Variants in MIB1 observed in about 807,000 individuals in gnomAD.
The protein encoded by MIB1 is MIB E3 ubiquitin protein ligase 1.
In MIB1, 278 loss-of-function variants were observed where a neutral mutation model predicts 124.5. The ratio of observed to expected loss-of-function variants is 2.23; its 90% CI spans 2.02 to 2.47. MIB1 has a LOEUF of 2.47. Ranked by LOEUF, MIB1 falls within the 30% of genes most tolerant of loss-of-function variation. The pLI is 0.00. For missense variants in MIB1, 957 were observed against 1,254.4 expected (o/e 0.76, Z 3.58); for synonymous variants, 446 against 429.4 (o/e 1.04, Z -0.48).
chr18:21,736,191 A>G (rs1049190660), upstream of MIB1, among the ~76,000 whole-genome samples: 3 of 152,210 alleles, frequency 2.0e-5, no homozygotes, highest in Non-Finnish European at 2.9e-5. Flanking sequence ...ACAGACAGCA[A>G]TCTTTGCTGT....
chr18:21,751,408 G>C lies in MIB1; in HGVS notation c.229+9596G>C, dbSNP rs149545519. Among the ~76,000 whole-genome samples the C allele has an allele frequency of 2.7e-3, 415 of 152,070 alleles. 6 individuals carry two copies. In the East Asian group the frequency reaches 0.036, roughly 13 times the overall value. On this transcript the variant is annotated intron_variant, in intron 1 of 20. Coordinates refer to ENST00000261537, the MANE Select transcript of MIB1 (RefSeq NM_020774.4). ...TGCAAGTAGCTGTAACTACAGGTGT[G>C]CATCACCATGCCCAGCAAATTTTTG...
chr18:21,729,318 A>G (rs894380180), intron 1 of MIB1, among the ~76,000 whole-genome samples: 3 of 152,174 alleles, frequency 2.0e-5, no homozygotes, highest in African/African-American at 7.2e-5. Flanking sequence ...TAATTTATAA[A>G]CAATAGAAAT....
rs115571781 is a variant in MIB1 at position 21,720,403 on chromosome 18, A to G, written n.167+15280A>G. Among the ~76,000 whole-genome samples the G allele has an allele frequency of 1.5e-3, 224 of 152,308 alleles. 3 individuals are homozygous for G. Among genetic ancestry groups the G allele is most frequent in the African/African-American group, 5.1e-3 (214 of 41,578 alleles). ...AGGGTATCCTGCAGAGATAAACAAC[A>G]CTTCAGGGATGTAATTAGGAAAATC... On this transcript the variant is annotated intron_variant and non_coding_transcript_variant, in intron 1 of 20. Coordinates refer to the MIB1 transcript ENST00000578646.
At chr18:21,705,378 G>T (rs185337236) in intron 1 of MIB1, among the ~76,000 whole-genome samples, 3 of 152,206 alleles carry the variant, frequency 2.0e-5, no homozygotes, top group Non-Finnish European at 4.4e-5. Context: ...TAGCAACCGG[G>T]ATTCAATTGT....
intron 9 of MIB1, among the ~76,000 whole-genome samples, chr18:21,802,896 T>C (rs1025811922): frequency 6.6e-6 from 1 of 152,180 alleles, no homozygotes; most frequent in Non-Finnish European, 1.5e-5. Context: ...TTTTCCTGTC[T>C]AGGGATGAGA....
At position 21,844,126 on chromosome 18, in the gene MIB1, A is replaced by G. The variant is rs763945603; in HGVS notation, c.2084A>G (p.Gln695Arg). The G allele has an allele frequency of 1.9e-6, 3 of 1,614,010 alleles. No homozygotes were observed. The highest frequency in any genetic ancestry group is 2.5e-6 in the Non-Finnish European group (3 of 1,179,992). Reference protein sequence around the residue: ...LVRAGAKLDIQDKDGDTPLHE... With the variant: ...LVRAGAKLDIRDKDGDTPLHE... ...CGTGCAGGTGCCAAGCTTGATATTCAGGATAAGGATGGGGATACTCCTTTG... is the reference window on the plus strand; with the variant it reads ...CGTGCAGGTGCCAAGCTTGATATTCGGGATAAGGATGGGGATACTCCTTTG... The change falls in exon 15 of 21, where the codon CAG becomes CGG. Residue 695 changes from glutamine (Q) to arginine (R), a missense_variant. Physicochemically the swap from Gln to Arg is conservative, Grantham distance 43. Transcript: ENST00000261537.
intron 1 of MIB1, among the ~76,000 whole-genome samples, chr18:21,724,724 AAAAAT>A (rs1349405567): frequency 1.6e-4 from 10 of 61,356 alleles, no homozygotes; most frequent in Non-Finnish European, 2.8e-4. Flanking sequence ...AAAAAAAAAA[AAAAAT>A]ATATATATAT....
At chr18:21,795,034 TGTAAA>T (rs1286955615) in intron 7 of MIB1, among the ~76,000 whole-genome samples, 2 of 151,938 alleles carry the variant, frequency 1.3e-5, no homozygotes, top group East Asian at 1.9e-4. Context: ...AAATGAATGT[TGTAAA>T]GGAAAGGGTA....
At chr18:21,803,225 A>G (rs1006107167) in intron 9 of MIB1, among the ~76,000 whole-genome samples, 3 of 152,202 alleles carry the variant, frequency 2.0e-5, no homozygotes, top group Admixed American at 1.3e-4. Context: ...TTCAGGAAAG[A>G]TAGTATATAA....
At position 21,760,666 on chromosome 18, in the gene MIB1, T is replaced by G. The variant is rs2041087614; in HGVS notation, c.230-5106T>G. Among the ~76,000 whole-genome samples, 3 of 152,228 alleles carry G rather than the reference T, an allele frequency of 2.0e-5. No individual in the cohort carries two copies. In the South Asian group the frequency reaches 6.2e-4, roughly 31 times the overall value. On this transcript the variant is annotated intron_variant, in intron 1 of 20. Transcript: ENST00000261537. ...TTTTAAAGAAAGCCTGTACACAGAT[T>G]ATGAGCTCATGACTGTTATCATTGT...
intron 4 of MIB1, among the ~76,000 whole-genome samples, chr18:21,776,428 T>G (rs867402643): frequency 6.6e-6 from 1 of 152,206 alleles, no homozygotes; most frequent in Non-Finnish European, 1.5e-5. Flanking sequence ...CATGTGCATC[T>G]GTATTAGAGG....
chr18:21,846,426 A>G (rs1307289343), intron 15 of MIB1, among the ~76,000 whole-genome samples: 1 of 152,206 alleles, frequency 6.6e-6, no homozygotes, highest in Admixed American at 6.5e-5. Flanking sequence ...TTCACATAAG[A>G]TGATGAGAAG....
rs2041429208 is a variant in MIB1 at position 21,785,884 on chromosome 18, A to T, written c.909-5490A>T. ...GAAGGAAAGTTTTGGTTGGTACAGTATTCTTAATTACCAGTTTTTTTCTTT... is the reference window on the plus strand; with the variant it reads ...GAAGGAAAGTTTTGGTTGGTACAGTTTTCTTAATTACCAGTTTTTTTCTTT... On this transcript the variant is annotated intron_variant, in intron 6 of 20. Coordinates refer to ENST00000261537, the MANE Select transcript of MIB1 (RefSeq NM_020774.4). Among the ~76,000 whole-genome samples, 3 of 152,170 alleles carry T rather than the reference A, an allele frequency of 2.0e-5. No individual in the cohort carries two copies. In the East Asian group the frequency reaches 5.8e-4, roughly 29 times the overall value.
intron 5 of MIB1, among the ~76,000 whole-genome samples, chr18:21,778,554 C>T (rs916790791): frequency 6.6e-6 from 1 of 151,860 alleles, no homozygotes; most frequent in Non-Finnish European, 1.5e-5. Flanking sequence ...CTAAGTACAG[C>T]TCCAAGATTA....
At chr18:21,724,725 AAAATATATATATATAT>A (rs1268173072) in intron 1 of MIB1, among the ~76,000 whole-genome samples, 77 of 42,814 alleles carry the variant, frequency 1.8e-3, no homozygotes, top group South Asian at 3.4e-3. Context: ...AAAAAAAAAA[AAAATATATATATATAT>A]ATATATATAT....
chr18:21,779,398 C>T, intron 5 of MIB1, 83 bp from the exon 6 acceptor site: 1 of 1,090,436 alleles, frequency 9.2e-7, no homozygotes, highest in Non-Finnish European at 1.4e-6. Context: ...ACTAAAATAT[C>T]TACATGTTAT....
chr18:21,744,097 GTTTTTTTTTTTTT>G (rs768951212), intron 1 of MIB1, among the ~76,000 whole-genome samples: 2 of 121,244 alleles, frequency 1.6e-5, no homozygotes, highest in African/African-American at 3.1e-5. Context: ...ATTCTTCAGG[GTTTTTTTTTTTTT>G]TTTTTTTTTA....
chr18:21,821,255 C>G (rs916451835), intron 12 of MIB1, among the ~76,000 whole-genome samples: 8 of 152,152 alleles, frequency 5.3e-5, no homozygotes, highest in Non-Finnish European at 5.9e-5. Flanking sequence ...CTAAATGGCT[C>G]TCTTCCCCTG....
chr18:21,716,971 A>C (rs566808927), intron 1 of MIB1, among the ~76,000 whole-genome samples: 113 of 152,208 alleles, frequency 7.4e-4, no homozygotes, highest in Non-Finnish European at 1.4e-3. Context: ...AAAAGAAAAA[A>C]TCTGGAGGCA....
Sources: allele counts gnomAD v4.1 joint callset (sites outside exome capture counted in the v4.1 genomes callset), GRCh38; gene constraint gnomAD v4.1.1; transcripts MANE v1.5; gene names NCBI Gene and HGNC (gene_info 2026-07-23, HGNC 2026-07-21).